PRDM11: variants seen among roughly 807,000 people sequenced by gnomAD.
PRDM11 encodes PR domain-containing protein 11.
PRDM11 carries 20 observed loss-of-function variants against 97.8 expected under a neutral mutation model. The ratio of observed to expected loss-of-function variants is 0.20; its 90% CI spans 0.14 to 0.30. The LOEUF is 0.30. Ranked by LOEUF, PRDM11 falls within the 10% of genes least tolerant of loss-of-function variation. The pLI is 1.00. For missense variants in PRDM11, 1,139 were observed against 1,555.2 expected (o/e 0.73, Z 4.50); for synonymous variants, 599 against 637.7 (o/e 0.94, Z 0.91).
At chr11:45,204,204 C>T (rs1403683892) in intron 4 of PRDM11, among the ~76,000 whole-genome samples, 7 of 152,178 alleles carry the variant, frequency 4.6e-5, no homozygotes, top group Admixed American at 4.6e-4. Context: ...AGAAACCAGC[C>T]AGCTTCAAAC....
At chr11:45,209,018 G>A (rs1176811863) in intron 5 of PRDM11, 1 of 456,708 alleles carries the variant, frequency 2.2e-6, no homozygotes, top group East Asian at 7.0e-5. Context: ...ACAGGGACAA[G>A]ATTTGGGAAG....
At chr11:45,125,083 G>A (rs538565981) in intron 1 of PRDM11, among the ~76,000 whole-genome samples, 1 of 151,898 alleles carries the variant, frequency 6.6e-6, no homozygotes, top group Non-Finnish European at 1.5e-5. Context: ...TGTATGTGTT[G>A]AGGAATTTAT....
intron 5 of PRDM11, chr11:45,213,840 G>C (rs745961421): frequency 3.6e-5 from 15 of 417,792 alleles, no homozygotes; most frequent in South Asian, 2.6e-4. Context: ...GGTTTTCCCA[G>C]CTCCCCTGTC....
intron 1 of PRDM11, among the ~76,000 whole-genome samples, chr11:45,106,957 C>T (rs1401169005): frequency 6.6e-6 from 1 of 152,176 alleles, no homozygotes; most frequent in African/African-American, 2.4e-5. Context: ...GGGATACCCC[C>T]AGAACAAAGT....
At chr11:45,188,932 G>T (rs1027958179) in intron 4 of PRDM11, among the ~76,000 whole-genome samples, 1 of 152,096 alleles carries the variant, frequency 6.6e-6, no homozygotes, top group African/African-American at 2.4e-5. Context: ...ATGGAGTTTT[G>T]CTCTCGTTAC....
At chr11:45,134,414 T>C (rs1852786121) in intron 1 of PRDM11, among the ~76,000 whole-genome samples, 1 of 152,038 alleles carries the variant, frequency 6.6e-6, no homozygotes, top group Admixed American at 6.6e-5. Context: ...AAACTTAGAA[T>C]AGCAGACAGG....
At chr11:45,194,667 C>T (rs1201542940) in intron 4 of PRDM11, among the ~76,000 whole-genome samples, 1 of 129,414 alleles carries the variant, frequency 7.7e-6, no homozygotes, top group Non-Finnish European at 1.6e-5. Flanking sequence ...GGCGGGATCT[C>T]GGCTCACTGC....
intron 6 of PRDM11, among the ~76,000 whole-genome samples, chr11:45,220,750 A>G (rs1208415311): frequency 6.6e-6 from 1 of 152,168 alleles, no homozygotes; most frequent in Non-Finnish European, 1.5e-5. Flanking sequence ...AGGAGGTGGG[A>G]TGGTGACTTA....
chr11:45,120,799 T>C (rs772929477), intron 1 of PRDM11, among the ~76,000 whole-genome samples: 4 of 152,112 alleles, frequency 2.6e-5, no homozygotes, highest in Non-Finnish European at 5.9e-5. Context: ...ACAATATTGA[T>C]TACTTAAACC....
chr11:45,213,485 C>T (rs574601305), intron 5 of PRDM11: 40 of 456,222 alleles, frequency 8.8e-5, no homozygotes, highest in Admixed American at 7.5e-4. Flanking sequence ...CAGGTCAAGT[C>T]GGTCCTTCAG....
intron 4 of PRDM11, among the ~76,000 whole-genome samples, chr11:45,203,370 A>C (rs991095904): frequency 1.3e-5 from 2 of 152,186 alleles, no homozygotes; most frequent in African/African-American, 4.8e-5. Flanking sequence ...TGGACCTGAA[A>C]AAAAAACTAA....
chr11:45,170,830 T>C (rs566830839), intron 1 of PRDM11, among the ~76,000 whole-genome samples: 1 of 152,188 alleles, frequency 6.6e-6, no homozygotes, highest in East Asian at 1.9e-4. Context: ...GAGGGAGTAG[T>C]GGCTTAGAGC....
chr11:45,210,872 G>T (rs1036029962), intron 5 of PRDM11, among the ~76,000 whole-genome samples: 1 of 152,156 alleles, frequency 6.6e-6, no homozygotes, highest in Admixed American at 6.5e-5. Context: ...ATTCCACCCC[G>T]TGATAAGAAA....
intron 1 of PRDM11, among the ~76,000 whole-genome samples, chr11:45,158,302 G>A (rs1851848991): frequency 6.6e-6 from 1 of 152,182 alleles, no homozygotes; most frequent in Non-Finnish European, 1.5e-5. Context: ...ACTGTTGGAA[G>A]CGCCTCTCCT....
intron 1 of PRDM11, among the ~76,000 whole-genome samples, chr11:45,103,158 G>A (rs1852007771): frequency 6.6e-6 from 1 of 152,166 alleles, no homozygotes; most frequent in Non-Finnish European, 1.5e-5. Context: ...TACTGGACAG[G>A]ACTCAGGATG....
At chr11:45,138,109 C>T (rs988843876) in intron 1 of PRDM11, among the ~76,000 whole-genome samples, 2 of 152,012 alleles carry the variant, frequency 1.3e-5, no homozygotes, top group African/African-American at 2.4e-5. Context: ...AACTTGCTCT[C>T]AAAAATGAAA....
At chr11:45,147,537 A>G (rs918145553) in intron 1 of PRDM11, 1 of 151,682 alleles carries the variant, frequency 6.6e-6, no homozygotes, top group Non-Finnish European at 1.5e-5. Flanking sequence ...TCTTCGGGAA[A>G]CCTCTCCGGA....
At chr11:45,141,622 T>C (rs1851405284) in intron 1 of PRDM11, among the ~76,000 whole-genome samples, 1 of 152,134 alleles carries the variant, frequency 6.6e-6, no homozygotes. Context: ...GCTAGAGACC[T>C]GATGTGGTAA....
chr11:45,228,154 A>G lies in PRDM11; in HGVS notation c.3529A>G (p.Ile1177Val), dbSNP rs2044380836. The G allele has an allele frequency of 2.6e-6, 4 of 1,519,212 alleles. No homozygotes were observed. The highest frequency in any genetic ancestry group is 3.5e-6 in the Non-Finnish European group (4 of 1,136,972). The allele number at this position is 1,519,212 out of a possible 1,614,324, so 94.1% of individuals were successfully genotyped here. ...MDHGTEFYPDI is the reference protein window; with the variant it reads ...MDHGTEFYPDV ...CCACGGGACGGAGTTTTACCCCGACATTTAGGGAGCTGGCGCTGCAGAGTT... is the reference window on the plus strand; with the variant it reads ...CCACGGGACGGAGTTTTACCCCGACGTTTAGGGAGCTGGCGCTGCAGAGTT... Residue 1177 changes from isoleucine (I) to valine (V), a missense_variant, in exon 8 of 8, where the codon ATT becomes GTT. By Grantham distance (29) the Ile-to-Val change is conservative. Around this residue, in one of 2 missense-constraint regions of PRDM11, gnomAD observed 710 missense variants for 1,044.9 expected, o/e 0.68. Transcript: ENST00000683152.
Sources: allele counts gnomAD v4.1 joint callset (sites outside exome capture counted in the v4.1 genomes callset), GRCh38; gene constraint gnomAD v4.1.1; regional missense constraint gnomAD v4.1.1; transcripts MANE v1.5; gene names NCBI Gene and HGNC (gene_info 2026-07-23, HGNC 2026-07-21).